SYNRG: variants seen among roughly 807,000 people sequenced by gnomAD.
SYNRG encodes AP1 gamma subunit binding protein 1.
SYNRG carries 37 observed loss-of-function variants against 130.9 expected under a neutral mutation model. That is an observed-to-expected ratio of 0.28 (90% confidence interval 0.22 to 0.37). The LOEUF (loss-of-function observed/expected upper bound fraction) is 0.37, where lower values mean the gene tolerates loss of function less well. Among genes scored for constraint, SYNRG ranks in the 10% least tolerant of loss-of-function variants. The pLI, the probability that SYNRG is intolerant of heterozygous loss-of-function variation, is 1.00. For missense variants in SYNRG, 1,338 were observed against 1,588.9 expected (o/e 0.84, Z 2.68); for synonymous variants, 539 against 568.1 (o/e 0.95, Z 0.73).
intron 6 of SYNRG, among the ~76,000 whole-genome samples, chr17:37,583,896 T>C (rs1252688125): frequency 2.0e-5 from 3 of 152,198 alleles, no homozygotes; most frequent in Admixed American, 6.5e-5. Flanking sequence ...GTTTTCACCA[T>C]GTTGGCCAGG....
rs939221527 is a variant in SYNRG, at chr17:37,540,498, C to T, written c.3248G>A (p.Arg1083His). 18 of 1,613,908 alleles carry T rather than the reference C, an allele frequency of 1.1e-5. No individual in the cohort carries two copies. The highest frequency in any genetic ancestry group is 6.7e-5 in the Admixed American group (4 of 59,986). ...SLSLGDKEIS[R>H]SSPSPALEQP... The stretch of plus-strand genomic sequence containing the variant: ...CTCCAAAGCTGGAGAAGGAGAAGAA[C>T]GGCTTATTTCTTTATCACCAAGGCT... The change falls in exon 16 of 22, where the codon CGT becomes CAT. Residue 1083 changes from arginine (R) to histidine (H), a missense_variant. Arg to His is a conservative substitution (Grantham distance 29). Coordinates refer to ENST00000612223, the MANE Select transcript of SYNRG (RefSeq NM_007247.6).
chr17:37,587,718 C>A (rs1275389606), intron 3 of SYNRG, among the ~76,000 whole-genome samples: 2 of 152,212 alleles, frequency 1.3e-5, no homozygotes, highest in Admixed American at 1.3e-4. Flanking sequence ...CAACAATCAC[C>A]CACATGGGTA....
rs549182115 is a variant in SYNRG at position 37,577,776 on chromosome 17, G to A, written c.590-163C>T. 4.4e-5 allele frequency among the ~76,000 whole-genome samples: 6 copies of A among 137,542 alleles called. No homozygotes were observed. In the East Asian group the frequency reaches 1.3e-3, roughly 29 times the overall value. The allele number at this position is 137,542 out of a possible 152,430, so 90.2% of individuals were successfully genotyped here. A position where few individuals can be genotyped will look rare whatever the true frequency, so the allele number is the denominator to read the frequency against. On this transcript the variant is annotated intron_variant, in intron 6 of 21. Coordinates refer to ENST00000612223, the MANE Select transcript of SYNRG (RefSeq NM_007247.6). The stretch of plus-strand genomic sequence containing the variant: ...TGTACTGGCATGATCTCAGCTCACT[G>A]CAACCTCTGCCTCCCAGGTTCAAGC...
At chr17:37,538,717 C>T (rs1016031263) in intron 17 of SYNRG, among the ~76,000 whole-genome samples, 1 of 152,188 alleles carries the variant, frequency 6.6e-6, no homozygotes, top group Non-Finnish European at 1.5e-5. Flanking sequence ...GCCTCAGTTT[C>T]CTGAGTAGCT....
At chr17:37,569,031 A>G in intron 10 of SYNRG, 107 bp from the exon 11 acceptor site, 3 of 1,209,318 alleles carry the variant, frequency 2.5e-6, no homozygotes, top group Non-Finnish European at 3.5e-6. Context: ...CTCAGTTTAG[A>G]TACATTAACT....
At chr17:37,561,703 C>A in intron 11 of SYNRG, 114 bp from the exon 12 acceptor site, 1 of 697,104 alleles carries the variant, frequency 1.4e-6, no homozygotes, top group Non-Finnish European at 2.4e-6. Context: ...TGGCTCTCTG[C>A]TTTAAAAGTT....
intron 19 of SYNRG, among the ~76,000 whole-genome samples, chr17:37,534,485 C>T (rs2056998911): frequency 6.6e-6 from 1 of 152,090 alleles, no homozygotes. Context: ...TCAGCCTCCC[C>T]AAAGTGCTGG....
In SYNRG at chr17:37,577,250, A is replaced by G. The variant is rs1598458696; in HGVS notation, c.823+130T>C. The G allele has an allele frequency of 2.0e-5, 16 of 795,342 alleles. No individual in the cohort carries two copies. In the East Asian group the frequency reaches 3.9e-4, roughly 20 times the overall value. 49.3% of individuals were successfully genotyped at this position (795,342 alleles called of 1,614,324 possible). On this transcript the variant is annotated intron_variant, in intron 7 of 21. Coordinates refer to ENST00000612223, the MANE Select transcript of SYNRG (RefSeq NM_007247.6). ...GGTTAATTGGAGAAAGGAATGCATT[A>G]AATATATTTCAAGCAAAATTTCGAT...
chr17:37,554,529 C>T (rs1000042046), intron 13 of SYNRG, among the ~76,000 whole-genome samples: 1 of 152,154 alleles, frequency 6.6e-6, no homozygotes, highest in Non-Finnish European at 1.5e-5. Flanking sequence ...AAAAATCCTA[C>T]ATCTAATATT....
At chr17:37,580,589 C>T (rs1176584989) in intron 6 of SYNRG, among the ~76,000 whole-genome samples, 1 of 151,698 alleles carries the variant, frequency 6.6e-6, no homozygotes, top group African/African-American at 2.4e-5. Context: ...GACTTGAGTG[C>T]AGTGGCGCGA....
chr17:37,566,177 C>T (rs1418040932), intron 11 of SYNRG, among the ~76,000 whole-genome samples: 1 of 152,190 alleles, frequency 6.6e-6, no homozygotes, highest in African/African-American at 2.4e-5. Context: ...ACAATGGCGG[C>T]TTTGTGGAAT....
At chr17:37,534,335 A>T (rs1031745911) in intron 19 of SYNRG, among the ~76,000 whole-genome samples, 5 of 152,244 alleles carry the variant, frequency 3.3e-5, no homozygotes, top group Non-Finnish European at 5.9e-5. Flanking sequence ...AATTTAGATT[A>T]AAAAATATTT....
At chr17:37,587,012 T>C (rs777889446) in intron 3 of SYNRG, among the ~76,000 whole-genome samples, 20 of 152,216 alleles carry the variant, frequency 1.3e-4, no homozygotes, top group Middle Eastern at 3.2e-3. Flanking sequence ...ATAATGAATA[T>C]TTTGATGTTA....
intron 6 of SYNRG, chr17:37,579,078 TAA>T: frequency 9.2e-7 from 1 of 1,090,614 alleles, no homozygotes; most frequent in Non-Finnish European, 1.1e-6. Flanking sequence ...ATAACAGAAA[TAA>T]GTTATCCCAG....
At chr17:37,547,463 CTTT>C (rs35053528) in intron 14 of SYNRG, among the ~76,000 whole-genome samples, 4 of 138,996 alleles carry the variant, frequency 2.9e-5, no homozygotes, top group South Asian at 2.3e-4. Context: ...TCATTTGCTG[CTTT>C]TTTTTTTTTT....
chr17:37,556,018 G>A (rs1215750081), intron 13 of SYNRG, among the ~76,000 whole-genome samples: 1 of 151,994 alleles, frequency 6.6e-6, no homozygotes, highest in Non-Finnish European at 1.5e-5. Flanking sequence ...TAAAATATAA[G>A]CTTTAATTTC....
chr17:37,556,028 C>T (rs1474668964), intron 13 of SYNRG, among the ~76,000 whole-genome samples: 1 of 152,136 alleles, frequency 6.6e-6, no homozygotes, highest in Non-Finnish European at 1.5e-5. Context: ...GCTTTAATTT[C>T]CTCACCCATT....
Position 37,553,637 on chromosome 17 carries a change from C to T in SYNRG, c.2086G>A (p.Ala696Thr). ...GATGAAATAGAGCTATTACTGAAAG[C>T]CATAAAATCTGCAAAGTCATCCTGC... ...GEQDDFADFM[A>T]FSNSSISSEQ... Residue 696 changes from alanine to threonine, a missense_variant, in exon 14 of 22, where the codon GCT becomes ACT. By Grantham distance (58) the Ala-to-Thr change is moderately conservative. Around this residue, in one of 3 missense-constraint regions of SYNRG, gnomAD observed 1,146 missense variants for 1,342.3 expected, o/e 0.85. Transcript: ENST00000612223. 2.5e-6 allele frequency: 4 copies of T among 1,613,916 alleles called. No homozygotes were observed. Among genetic ancestry groups the T allele is most frequent in the Non-Finnish European group, 2.5e-6 (3 of 1,179,958 alleles).
chr17:37,577,363 A>T lies in SYNRG; in HGVS notation c.823+17T>A, dbSNP rs1348499449. The T allele has an allele frequency of 6.2e-7, 1 of 1,610,276 alleles. No homozygotes were observed. Among genetic ancestry groups the T allele is most frequent in the Admixed American group, 1.7e-5 (1 of 59,696 alleles). On this transcript the variant is annotated intron_variant, in intron 7 of 21. Coordinates refer to ENST00000612223, the MANE Select transcript of SYNRG (RefSeq NM_007247.6). ...TTTGGTTAAACAAGTTTTTTGCTGA[A>T]TGCTTCACGAGCTCACCACTCTCTT...
Sources: allele counts gnomAD v4.1 joint callset (sites outside exome capture counted in the v4.1 genomes callset), GRCh38; gene constraint gnomAD v4.1.1; regional missense constraint gnomAD v4.1.1; transcripts MANE v1.5; gene names NCBI Gene and HGNC (gene_info 2026-07-23, HGNC 2026-07-21).